Variants in WNT9B observed in about 807,000 individuals in gnomAD.
WNT9B encodes Wnt family member 9B, also known as protein Wnt-9b.
Under a neutral mutation model 30.2 loss-of-function variants are expected in WNT9B, and 12 were observed. The observed-to-expected ratio is 0.40, with a 90% CI of 0.26 to 0.64. The LOEUF is 0.64. WNT9B is among the 30% of genes least tolerant of loss of function. The pLI is 0.42. For synonymous variants in WNT9B, 218 were observed against 216.9 expected (o/e 1.01, Z -0.05); for missense variants, 442 against 485.2 (o/e 0.91, Z 0.84).
chr17:46,863,586 A>G (rs1210778665), intron 1 of WNT9B, among the ~76,000 whole-genome samples: 1 of 152,178 alleles, frequency 6.6e-6, no homozygotes, highest in Non-Finnish European at 1.5e-5. Context: ...GAGGAGGCAA[A>G]CAAACATCAC....
chr17:46,858,302 C>T (rs559640922), intron 1 of WNT9B, among the ~76,000 whole-genome samples: 13 of 152,084 alleles, frequency 8.5e-5, no homozygotes, highest in Non-Finnish European at 1.5e-4. Context: ...CGTGACTTGC[C>T]GTTTCATTTT....
chr17:46,838,780 T>C (rs1442426289), intron 1 of WNT9B, among the ~76,000 whole-genome samples: 4 of 152,084 alleles, frequency 2.6e-5, no homozygotes, highest in Non-Finnish European at 5.9e-5. Context: ...AAAATCCGGG[T>C]TTACAAAAAC....
chr17:46,872,924 T>C, intron 2 of WNT9B, 151 bp downstream of exon 2: 1 of 1,020,460 alleles, frequency 9.8e-7, no homozygotes, highest in Non-Finnish European at 1.4e-6. Flanking sequence ...ATGAGAAGAG[T>C]CACAAGAGTT....
chr17:46,841,401 G>A (rs1257339367), intron 1 of WNT9B, among the ~76,000 whole-genome samples: 1 of 152,202 alleles, frequency 6.6e-6, no homozygotes, highest in African/African-American at 2.4e-5. Flanking sequence ...GTCATGCATC[G>A]ATATTCATCA....
intron 1 of WNT9B, among the ~76,000 whole-genome samples, chr17:46,836,192 C>T (rs2084630348): frequency 6.6e-6 from 1 of 151,156 alleles, no homozygotes; most frequent in African/African-American, 2.4e-5. Flanking sequence ...TCTTAAAATT[C>T]GCCTGATATT....
At chr17:46,855,159 G>A (rs1255693838) in intron 1 of WNT9B, among the ~76,000 whole-genome samples, 1 of 152,216 alleles carries the variant, frequency 6.6e-6, no homozygotes, top group Non-Finnish European at 1.5e-5. Context: ...CAACCTACAG[G>A]AACAGCCTCC....
chr17:46,840,329 A>G (rs925264704), intron 1 of WNT9B, among the ~76,000 whole-genome samples: 1 of 151,694 alleles, frequency 6.6e-6, no homozygotes, highest in Non-Finnish European at 1.5e-5. Context: ...CTCATGATCC[A>G]CCCGCCTCGG....
chr17:46,863,623 G>A (rs540821896), intron 1 of WNT9B, among the ~76,000 whole-genome samples: 6 of 152,298 alleles, frequency 3.9e-5, no homozygotes, highest in Admixed American at 2.0e-4. Context: ...CTGGGACCTC[G>A]GGGTGATCAA....
chr17:46,839,613 A>G (rs1360933011), intron 1 of WNT9B, among the ~76,000 whole-genome samples: 1 of 152,222 alleles, frequency 6.6e-6, no homozygotes. Flanking sequence ...TACATGTGCC[A>G]TGTTGATGTG....
chr17:46,845,522 C>T (rs890793672), intron 1 of WNT9B, among the ~76,000 whole-genome samples: 2 of 136,700 alleles, frequency 1.5e-5, no homozygotes, highest in African/African-American at 5.6e-5. Context: ...CAGAGTCTTG[C>T]TCTGTCACCC....
At chr17:46,858,596 T>C (rs1297920358) in intron 1 of WNT9B, among the ~76,000 whole-genome samples, 2 of 152,188 alleles carry the variant, frequency 1.3e-5, no homozygotes, top group Admixed American at 6.6e-5. Flanking sequence ...GATAAAAACA[T>C]AATAACTAGT....
intron 3 of WNT9B, among the ~76,000 whole-genome samples, chr17:46,875,677 ATTCCAAGGACCAGGCC>A (rs995740683): frequency 3.9e-5 from 6 of 152,196 alleles, no homozygotes; most frequent in Non-Finnish European, 8.8e-5. Flanking sequence ...AGGGGTCTCC[ATTCCAAGGACCAGGCC>A]TTCCTGGAGG....
intron 1 of WNT9B, 58 bp from the exon 2 acceptor site, chr17:46,872,459 T>C: frequency 7.0e-7 from 1 of 1,434,800 alleles, no homozygotes; most frequent in Non-Finnish European, 9.2e-7. Context: ...CTTCCCTTCA[T>C]TTGCCCCTCA....
In WNT9B at chr17:46,877,508, G is replaced by C. The variant is rs555294890; in HGVS notation, c.*790G>C. On this transcript the variant is annotated 3_prime_UTR_variant, in exon 4 of 4. Transcript: ENST00000290015. ...AGGTGGGAGAACTAGCCACCAAGGC[G>C]GGACTCAGTGCACCTGAGGTTGAAC... 6.6e-6 allele frequency among the ~76,000 whole-genome samples: 1 copy of C among 152,312 alleles called. No homozygotes were observed. The highest frequency in any genetic ancestry group is 2.1e-4 in the South Asian group (1 of 4,830).
chr17:46,861,995 C>A lies in WNT9B; in HGVS notation c.77+10280C>A, dbSNP rs531454077. 9.2e-4 allele frequency among the ~76,000 whole-genome samples: 140 copies of A among 152,028 alleles called. 1 individual carries two copies. The highest frequency in any genetic ancestry group is 3.3e-3 in the African/African-American group (137 of 41,486). On this transcript the variant is annotated intron_variant, in intron 1 of 3. Transcript: ENST00000290015. Reference sequence around the variant, plus strand: ...CCTGGCCAACATGGTGAAACCCCATCTCTACTAAAAATACAAAAATAGCTG... The same window carrying A: ...CCTGGCCAACATGGTGAAACCCCATATCTACTAAAAATACAAAAATAGCTG...
chr17:46,875,081 C>T lies in WNT9B; in HGVS notation c.335-20C>T, dbSNP rs977558076. 5 of 1,613,382 alleles carry T rather than the reference C, an allele frequency of 3.1e-6. No individual in the cohort carries two copies. The highest frequency in any genetic ancestry group is 2.7e-5 in the African/African-American group (2 of 74,940). On this transcript the variant is annotated intron_variant, in intron 2 of 3. Coordinates refer to ENST00000290015, the MANE Select transcript of WNT9B (RefSeq NM_003396.3). ...CTTCCCCCTTTCCTCCCTCCCTATG[C>T]CCCTGGGTGCCCGATCCAGGCTTCA...
rs112570411 is a variant in WNT9B at position 46,868,299 on chromosome 17, C to A, written c.78-4218C>A. On this transcript the variant is annotated intron_variant, in intron 1 of 3. Transcript: ENST00000290015. The stretch of plus-strand genomic sequence containing the variant: ...CCATAAGGCAGCATCTTCATTAAGA[C>A]CCCCATATTTGGCTGGGCGTGGTGG... Among the ~76,000 whole-genome samples, 1,362 of 152,304 alleles carry A rather than the reference C, an allele frequency of 8.9e-3. 11 individuals carry two copies. The highest frequency in any genetic ancestry group is 0.031 in the Middle Eastern group (9 of 294).
At chr17:46,859,666 G>A (rs1186220696) in intron 1 of WNT9B, among the ~76,000 whole-genome samples, 1 of 152,104 alleles carries the variant, frequency 6.6e-6, no homozygotes, top group Non-Finnish European at 1.5e-5. Context: ...AAATTGCATG[G>A]GCTATTCAGG....
chr17:46,839,730 T>C (rs2084677295), intron 1 of WNT9B, among the ~76,000 whole-genome samples: 1 of 152,026 alleles, frequency 6.6e-6, no homozygotes, highest in African/African-American at 2.4e-5. Flanking sequence ...CTGCCCTGTG[T>C]CCATGTGTTC....
Sources: gnomAD v4.1 joint callset for allele counts (sites outside exome capture counted in the v4.1 genomes callset) on GRCh38, gnomAD v4.1.1 for gene constraint, MANE v1.5 for transcripts, NCBI Gene and HGNC (gene_info 2026-07-23, HGNC 2026-07-21) for gene names.